OR10J1: variants seen among roughly 807,000 people sequenced by gnomAD.
OR10J1 encodes the protein olfactory receptor 10J1.
For missense variants in OR10J1, 474 were observed against 376.6 expected (o/e 1.26, Z -2.14); for synonymous variants, 202 against 143.8 (o/e 1.40, Z -2.89).
chr1:159,418,977 G>A, the OR10J1 span, among the ~76,000 whole-genome samples: 7 of 152,154 alleles, frequency 4.6e-5, no homozygotes, highest in Non-Finnish European at 1.0e-4. Context: ...GGGGCCTGTA[G>A]CCCCTTCATT....
chr1:159,422,518 G>A, the OR10J1 span, among the ~76,000 whole-genome samples: 1 of 152,148 alleles, frequency 6.6e-6, no homozygotes, highest in African/African-American at 2.4e-5. Context: ...CTCTGCCCAT[G>A]GTTCCCACCT....
upstream of OR10J1, among the ~76,000 whole-genome samples, chr1:159,434,639 G>A (rs1655685010): frequency 6.6e-6 from 1 of 152,082 alleles, no homozygotes; most frequent in Non-Finnish European, 1.5e-5. Context: ...GAACAGAGAG[G>A]CATGCATTCC....
the OR10J1 span, among the ~76,000 whole-genome samples, chr1:159,403,310 G>A: frequency 2.9e-4 from 44 of 152,018 alleles, no homozygotes; most frequent in African/African-American, 8.4e-4. Flanking sequence ...GTATACATTC[G>A]ACAAAGTGAA....
the OR10J1 span, among the ~76,000 whole-genome samples, chr1:159,412,410 G>A: frequency 1.6e-3 from 245 of 151,032 alleles, no homozygotes; most frequent in Admixed American, 3.6e-3. Context: ...CAAAGCTGGA[G>A]GCATCACGCT....
At chr1:159,399,369 A>G in the OR10J1 span, among the ~76,000 whole-genome samples, 3 of 152,038 alleles carry the variant, frequency 2.0e-5, no homozygotes, top group East Asian at 5.8e-4. Context: ...CAGGAGATTG[A>G]GACCATCCTG....
chr1:159,440,735 G>A lies in OR10J1; in HGVS notation c.*14G>A. 1 of 1,600,448 alleles carries A rather than the reference G, an allele frequency of 6.2e-7. No homozygotes were observed. On this transcript the variant is annotated 3_prime_UTR_variant, in exon 1 of 1. Coordinates refer to ENST00000423932, the MANE Select transcript of OR10J1 (RefSeq NM_012351.3). ...AAGTTTTCCTGACCATGTAGGAAGA[G>A]TTCTCCTGAGGCTGTCAACATCCAC...
At chr1:159,407,825 G>C in the OR10J1 span, among the ~76,000 whole-genome samples, 1 of 152,056 alleles carries the variant, frequency 6.6e-6, no homozygotes, top group African/African-American at 2.4e-5. Context: ...TCAATAGCTA[G>C]TACATTTTAG....
upstream of OR10J1, among the ~76,000 whole-genome samples, chr1:159,436,837 TAATC>T (rs1442109209): frequency 2.6e-5 from 4 of 152,194 alleles, no homozygotes; most frequent in East Asian, 3.9e-4. Flanking sequence ...TAATTTTTCA[TAATC>T]AACCTGAGTC....
upstream of OR10J1, among the ~76,000 whole-genome samples, chr1:159,438,921 C>A (rs1655819914): frequency 6.6e-6 from 1 of 152,206 alleles, no homozygotes; most frequent in South Asian, 2.1e-4. Context: ...GTGAGGGACA[C>A]TTAAATTTGC....
the OR10J1 span, chr1:159,432,586 G>A: frequency 8.5e-6 from 4 of 471,698 alleles, no homozygotes; most frequent in South Asian, 2.8e-4. Context: ...GTGGCCATCT[G>A]CAACCCTCTA....
the OR10J1 span, among the ~76,000 whole-genome samples, chr1:159,409,851 T>A: frequency 6.6e-6 from 1 of 152,284 alleles, no homozygotes; most frequent in South Asian, 2.1e-4. Flanking sequence ...AGATAGCTGT[T>A]ATTACTTTGA....
chr1:159,430,640 G>GGTGTGTGTGTGTGTGTGT, the OR10J1 span, among the ~76,000 whole-genome samples: 1,644 of 140,880 alleles, frequency 0.012, 26 homozygotes, highest in Non-Finnish European at 0.017. Context: ...AAAAAATTAT[G>GGTGTGTGTGTGTGTGTGT]GTGTGTGTGT....
At chr1:159,400,366 A>G in the OR10J1 span, among the ~76,000 whole-genome samples, 2 of 151,854 alleles carry the variant, frequency 1.3e-5, no homozygotes, top group East Asian at 1.9e-4. Flanking sequence ...GAATGAAAAT[A>G]AAGGGATGAA....
At chr1:159,410,710 C>T in the OR10J1 span, among the ~76,000 whole-genome samples, 1 of 150,626 alleles carries the variant, frequency 6.6e-6, no homozygotes, top group Non-Finnish European at 1.5e-5. Context: ...CAGTTCTGCT[C>T]TGATTTTAGT....
the OR10J1 span, among the ~76,000 whole-genome samples, chr1:159,409,800 T>C: frequency 9.1e-4 from 139 of 152,142 alleles, no homozygotes; most frequent in Middle Eastern, 0.017. Flanking sequence ...ACGCTTCCAG[T>C]TTTTGCCCAT....
At chr1:159,426,866 G>A in the OR10J1 span, among the ~76,000 whole-genome samples, 2 of 151,784 alleles carry the variant, frequency 1.3e-5, no homozygotes, top group African/African-American at 2.4e-5. Flanking sequence ...TAATAAACAC[G>A]TGTATAGCAC....
chr1:159,412,052 CAGAG>C, the OR10J1 span, among the ~76,000 whole-genome samples: 1 of 152,020 alleles, frequency 6.6e-6, no homozygotes, highest in Admixed American at 6.6e-5. Context: ...AACAGACAAA[CAGAG>C]AGCTAAATCA....
the OR10J1 span, chr1:159,405,740 C>A: frequency 3.3e-6 from 3 of 901,856 alleles, no homozygotes; most frequent in Non-Finnish European, 5.4e-6. Context: ...AAGATCAGGG[C>A]AATATGTAGG....
At chr1:159,411,130 A>G in the OR10J1 span, among the ~76,000 whole-genome samples, 1 of 150,192 alleles carries the variant, frequency 6.7e-6, no homozygotes, top group African/African-American at 2.4e-5. Context: ...TATGTGGTCA[A>G]TTTTGGAATA....
Sources: allele counts gnomAD v4.1 joint callset (sites outside exome capture counted in the v4.1 genomes callset), GRCh38; gene constraint gnomAD v4.1.1; transcripts MANE v1.5; gene names NCBI Gene and HGNC (gene_info 2026-07-23, HGNC 2026-07-21).